The following FHAD1 variants were observed in gnomAD, a reference collection of about 807,000 sequenced individuals.
FHAD1 encodes forkhead associated phosphopeptide binding domain 1, also known as forkhead-associated domain-containing protein 1.
In FHAD1, 146 loss-of-function variants were observed where a neutral mutation model predicts 191.3. The observed-to-expected ratio is 0.76, with a 90% confidence interval of 0.67 to 0.88. The LOEUF (loss-of-function observed/expected upper bound fraction) is 0.88, where lower values mean the gene tolerates loss of function less well. FHAD1 is among the 40% of genes least tolerant of loss of function. The pLI is 0.00. For missense variants in FHAD1, 1,635 were observed against 1,785.8 expected (o/e 0.92, Z 1.52); for synonymous variants, 616 against 672.3 (o/e 0.92, Z 1.29).
At chr1:15,357,716 G>C (rs915526326) in intron 20 of FHAD1, 1 of 158,668 alleles carries the variant, frequency 6.3e-6, no homozygotes, top group Non-Finnish European at 1.4e-5. Flanking sequence ...TGGAGGAAAG[G>C]GGGGTGTCCT....
chr1:15,346,234 T>C (rs908244273), intron 18 of FHAD1, among the ~76,000 whole-genome samples: 3 of 152,222 alleles, frequency 2.0e-5, no homozygotes, highest in Admixed American at 6.5e-5. Context: ...AGTCACAGAC[T>C]GGTAGCTCAG....
intron 31 of FHAD1, among the ~76,000 whole-genome samples, chr1:15,387,210 A>G (rs1702347207): frequency 6.6e-6 from 1 of 152,070 alleles, no homozygotes; most frequent in African/African-American, 2.4e-5. Flanking sequence ...ACTGTTTTAT[A>G]CATCATCATA....
chr1:15,380,649 G>C (rs1700693101), intron 28 of FHAD1, 52 bp from the exon 29 acceptor site: 4 of 1,424,662 alleles, frequency 2.8e-6, no homozygotes, highest in Non-Finnish European at 3.9e-6. Flanking sequence ...TCCAGTCATA[G>C]AAAGTCATAA....
At chr1:15,342,027 G>C in intron 16 of FHAD1, 139 bp downstream of exon 16, 1 of 663,200 alleles carries the variant, frequency 1.5e-6, no homozygotes, top group Non-Finnish European at 2.4e-6. Context: ...AATTAAACAG[G>C]GTGAATAATT....
rs140078829 is a variant in FHAD1, at chr1:15,359,197, C to T, written c.2736+914C>T. Among the ~76,000 whole-genome samples, 13 of 152,018 alleles carry T rather than the reference C, an allele frequency of 8.6e-5. No individual in the cohort carries two copies. The South Asian group carries it at 1.0e-3, about 12-fold the overall frequency. ...AGAAGAGGAGACAAGAGGAGTAAGG[C>T]GAGGATAGGGCATCAAAGTCCAAAA... On this transcript the variant is annotated intron_variant, in intron 21 of 33. Transcript: ENST00000688493.
At chr1:15,281,923 A>G (rs750919539) in intron 3 of FHAD1, among the ~76,000 whole-genome samples, 4 of 152,232 alleles carry the variant, frequency 2.6e-5, no homozygotes, top group Non-Finnish European at 4.4e-5. Flanking sequence ...TATCTATATC[A>G]GTACGGACTC....
chr1:15,284,179 G>A (rs1421407409), intron 3 of FHAD1, among the ~76,000 whole-genome samples: 2 of 152,182 alleles, frequency 1.3e-5, no homozygotes, highest in African/African-American at 4.8e-5. Flanking sequence ...GTGGTTCAAA[G>A]CCAAGTGGTA....
At chr1:15,373,086 G>A (rs1698576254) in intron 26 of FHAD1, among the ~76,000 whole-genome samples, 1 of 152,196 alleles carries the variant, frequency 6.6e-6, no homozygotes, top group African/African-American at 2.4e-5. Context: ...TTAGCTCAGA[G>A]TTTATGAATG....
At chr1:15,245,003 G>A, upstream of FHAD1, among the ~76,000 whole-genome samples, 1 of 152,236 alleles carries the variant, frequency 6.6e-6, no homozygotes, top group Non-Finnish European at 1.5e-5. Flanking sequence ...GCCTGCATGT[G>A]CAGAGATCAC....
chr1:15,249,355 T>C (rs1199310947), intron 1 of FHAD1, among the ~76,000 whole-genome samples: 2 of 152,144 alleles, frequency 1.3e-5, no homozygotes, highest in Non-Finnish European at 2.9e-5. Context: ...TCCTGTGGCT[T>C]TCCCACAAAA....
chr1:15,347,781 C>T (rs1689437915), intron 18 of FHAD1, among the ~76,000 whole-genome samples: 1 of 152,230 alleles, frequency 6.6e-6, no homozygotes, highest in Non-Finnish European at 1.5e-5. Flanking sequence ...TCCGCCACAT[C>T]ATCAGGGTTT....
chr1:15,352,784 G>T, intron 19 of FHAD1, 93 bp from the exon 20 acceptor site: 1 of 878,688 alleles, frequency 1.1e-6, no homozygotes, highest in Non-Finnish European at 1.8e-6. Context: ...ACCCTGACTT[G>T]GTGGCTTCCA....
intron 25 of FHAD1, 133 bp downstream of exon 25, chr1:15,367,755 G>A (rs1696935337): frequency 1.3e-6 from 1 of 766,034 alleles, no homozygotes; most frequent in Admixed American, 2.8e-5. Flanking sequence ...TCATGGCTTG[G>A]CTTATTCTGT....
chr1:15,350,884 G>A (rs1247935389), intron 19 of FHAD1, among the ~76,000 whole-genome samples: 2 of 152,170 alleles, frequency 1.3e-5, no homozygotes, highest in African/African-American at 4.8e-5. Flanking sequence ...TGAGGTCAGA[G>A]TCCAGGTAGG....
At chr1:15,349,282 G>T in intron 19 of FHAD1, 133 bp downstream of exon 19, 1 of 679,396 alleles carries the variant, frequency 1.5e-6, no homozygotes, top group South Asian at 1.9e-5. Context: ...CCGTTTACTG[G>T]CTGTGTGACC....
intron 2 of FHAD1, among the ~76,000 whole-genome samples, chr1:15,266,499 A>C (rs1432453324): frequency 6.6e-6 from 1 of 151,084 alleles, no homozygotes; most frequent in Non-Finnish European, 1.5e-5. Flanking sequence ...CCCCCACAAC[A>C]CTCACACATA....
intron 10 of FHAD1, among the ~76,000 whole-genome samples, chr1:15,322,156 A>G (rs1336231710): frequency 6.6e-6 from 1 of 152,096 alleles, no homozygotes; most frequent in Admixed American, 6.5e-5. Flanking sequence ...GGCTTCTTGA[A>G]TCTTTGGCTT....
At chr1:15,360,932 A>G (rs1694589494) in intron 22 of FHAD1, among the ~76,000 whole-genome samples, 1 of 152,190 alleles carries the variant, frequency 6.6e-6, no homozygotes, top group African/African-American at 2.4e-5. Flanking sequence ...GTGCCTACTC[A>G]GTGAGCCGGC....
chr1:15,314,745 AGT>A (rs1218723626), intron 8 of FHAD1: 1 of 21,990 alleles, frequency 4.5e-5, no homozygotes, highest in Non-Finnish European at 8.8e-5. Flanking sequence ...TGTGTGTGTG[AGT>A]GTGGTGTGTG....
Sources: allele counts gnomAD v4.1 joint callset (sites outside exome capture counted in the v4.1 genomes callset), GRCh38; gene constraint gnomAD v4.1.1; transcripts MANE v1.5; gene names NCBI Gene and HGNC (gene_info 2026-07-23, HGNC 2026-07-21).